Variants in PRKCA observed in about 807,000 individuals in gnomAD.
The protein encoded by PRKCA is protein kinase C alpha type.
Under a neutral mutation model 87.0 loss-of-function variants are expected in PRKCA, and 27 were observed. The ratio of observed to expected loss-of-function variants is 0.31; its 90% CI spans 0.23 to 0.43. The LOEUF is 0.43. PRKCA is among the 20% of genes least tolerant of loss of function. The pLI, the probability that PRKCA is intolerant of heterozygous loss-of-function variation, is 1.00. For synonymous variants in PRKCA, 329 were observed against 311.1 expected (o/e 1.06, Z -0.61); for missense variants, 518 against 852.3 (o/e 0.61, Z 4.88).
At chr17:66,388,790 G>T (rs1024006079) in intron 2 of PRKCA, among the ~76,000 whole-genome samples, 1 of 152,196 alleles carries the variant, frequency 6.6e-6, no homozygotes, top group Admixed American at 6.5e-5. Context: ...ACCCAGGGTC[G>T]TGGAGAGACG....
chr17:66,463,709 G>GT (rs370623331), intron 2 of PRKCA, among the ~76,000 whole-genome samples: 19 of 152,098 alleles, frequency 1.2e-4, no homozygotes, highest in African/African-American at 3.9e-4. Context: ...TGTTTGTTTT[G>GT]TTTTTTTAAT....
intron 3 of PRKCA, among the ~76,000 whole-genome samples, chr17:66,584,252 C>T (rs189886098): frequency 1.4e-5 from 2 of 145,918 alleles, no homozygotes; most frequent in East Asian, 1.9e-4. Flanking sequence ...GATGGAATCT[C>T]GCTCTGTCGC....
rs1467724474 is a variant in PRKCA at position 66,803,550 on chromosome 17, T to TCC, written c.1855-322_1855-321dup. ...GACTGACGGCCCTGCGTGCGTGGCT[T>TCC]CCGTGCTCTCAGCTCCGCTTGCTCG... On this transcript the variant is annotated intron_variant, in intron 16 of 16. Coordinates refer to ENST00000413366, the MANE Select transcript of PRKCA (RefSeq NM_002737.3). The surrounding 1 kb of genome is among the most constrained non-coding windows in gnomAD (Gnocchi z 4.4). Among the ~76,000 whole-genome samples the TCC allele has an allele frequency of 2.0e-5, 3 of 152,198 alleles. No individual in the cohort carries two copies. The highest frequency in any genetic ancestry group is 7.2e-5 in the African/African-American group (3 of 41,454).
intron 2 of PRKCA, among the ~76,000 whole-genome samples, chr17:66,412,276 C>T (rs535283260): frequency 9.3e-4 from 142 of 152,200 alleles, no homozygotes; most frequent in Non-Finnish European, 1.7e-3. Context: ...AGGCTGGTTT[C>T]GAACTCCTGA....
intron 16 of PRKCA, among the ~76,000 whole-genome samples, chr17:66,799,598 ATGGTGG>A (rs1261737865): frequency 2.3e-4 from 1 of 4,278 alleles, no homozygotes; most frequent in African/African-American, 1.5e-3. Context: ...GGTGGTGGTG[ATGGTGG>A]TGGTGGTGGT....
chr17:66,737,719 G>A (rs1032841902), intron 10 of PRKCA, among the ~76,000 whole-genome samples: 3 of 152,192 alleles, frequency 2.0e-5, no homozygotes, highest in Non-Finnish European at 4.4e-5. Context: ...GCTCCCAGCC[G>A]TTCCCACTGA....
At chr17:66,648,961 G>T (rs538746244) in intron 5 of PRKCA, among the ~76,000 whole-genome samples, 205 of 152,112 alleles carry the variant, frequency 1.3e-3, no homozygotes, top group Non-Finnish European at 2.5e-3. Flanking sequence ...AAGTATGGTG[G>T]CATGCGCATG....
chr17:66,440,807 C>T (rs1226267300), intron 2 of PRKCA, among the ~76,000 whole-genome samples: 1 of 152,078 alleles, frequency 6.6e-6, no homozygotes, highest in Admixed American at 6.6e-5. Flanking sequence ...GGGAGGATTG[C>T]TTGAGCCCAG....
chr17:66,314,443 A>G (rs1428697360), intron 2 of PRKCA, among the ~76,000 whole-genome samples: 1 of 152,212 alleles, frequency 6.6e-6, no homozygotes, highest in African/African-American at 2.4e-5. Context: ...CTGGAAATAG[A>G]TTTCTATCAA....
intron 2 of PRKCA, among the ~76,000 whole-genome samples, chr17:66,463,040 A>G (rs1368519730): frequency 1.3e-5 from 2 of 152,024 alleles, no homozygotes; most frequent in East Asian, 3.9e-4. Context: ...GACTCCAGAG[A>G]GGTTGGCTTA....
rs183894929 is a variant in PRKCA at position 66,698,366 on chromosome 17, A to G, written c.918+9319A>G. ...AAGAGGATACAGACAACAAAATCAG[A>G]AAAACAAGAGCTCAATAAAAAGATT... On this transcript the variant is annotated intron_variant, in intron 8 of 16. Coordinates refer to ENST00000413366, the MANE Select transcript of PRKCA (RefSeq NM_002737.3). Among the ~76,000 whole-genome samples the G allele has an allele frequency of 3.9e-3, 592 of 152,316 alleles. 3 individuals are homozygous for G. Among genetic ancestry groups the G allele is most frequent in the South Asian group, 0.026 (126 of 4,828 alleles).
At chr17:66,731,409 G>A (rs1036753305) in intron 8 of PRKCA, among the ~76,000 whole-genome samples, 1 of 151,768 alleles carries the variant, frequency 6.6e-6, no homozygotes, top group Non-Finnish European at 1.5e-5. Flanking sequence ...CTAGGGCTCA[G>A]GGATGTGGCT....
chr17:66,748,370 T>C (rs1009402657), intron 13 of PRKCA, among the ~76,000 whole-genome samples: 1 of 152,222 alleles, frequency 6.6e-6, no homozygotes, highest in Non-Finnish European at 1.5e-5. Context: ...ATTCAGCCAA[T>C]GGGCTATCAC....
Position 66,594,787 on chromosome 17 carries a change from C to G in PRKCA, c.289-46568C>G, listed in dbSNP as rs537214571. Among the ~76,000 whole-genome samples, 16 of 152,298 alleles carry G rather than the reference C, an allele frequency of 1.1e-4. 2 individuals are homozygous for G. The highest frequency in any genetic ancestry group is 1.0e-3 in the Admixed American group (16 of 15,288). ...TTCTCTGCTGCAAAACTGCATAGAT[C>G]AGGTTGGCCACAGAACTGCAGGTGC... On this transcript the variant is annotated intron_variant, in intron 3 of 16. Transcript: ENST00000413366.
At position 66,406,585 on chromosome 17, in the gene PRKCA, G is replaced by GTTTTTTTTTTTTTTTTTTTTTTTTTT. The variant is rs71160568; in HGVS notation, c.206-89592_206-89591insTTTTTTTTTTTTTTTTTTTTTTTTTT. Among the ~76,000 whole-genome samples, 69 of 70,176 alleles carry GTTTTTTTTTTTTTTTTTTTTTTTTTT rather than the reference G, an allele frequency of 9.8e-4. 15 individuals are homozygous for GTTTTTTTTTTTTTTTTTTTTTTTTTT. The highest frequency in any genetic ancestry group is 1.3e-3 in the Non-Finnish European group (49 of 36,592). The allele number at this position is 70,176 out of a possible 152,430, so 46.0% of individuals were successfully genotyped here. ...TCATGTAGCATTGTAGCTTTTCCAGGTTTTTTTTTTTTTTTTTTTTTTTTA... is the reference window on the plus strand; with the variant it reads ...TCATGTAGCATTGTAGCTTTTCCAGGTTTTTTTTTTTTTTTTTTTTTTTTTTTTTTTTTTTTTTTTTTTTTTTTTTA... On this transcript the variant is annotated intron_variant, in intron 2 of 16. Coordinates refer to ENST00000413366, the MANE Select transcript of PRKCA (RefSeq NM_002737.3).
At chr17:66,731,369 AAG>A (rs1291786243) in intron 8 of PRKCA, among the ~76,000 whole-genome samples, 4 of 151,518 alleles carry the variant, frequency 2.6e-5, no homozygotes, top group African/African-American at 9.7e-5. Flanking sequence ...AAAAAAAAAA[AAG>A]AATGTATCCA....
intron 13 of PRKCA, among the ~76,000 whole-genome samples, chr17:66,759,836 G>T (rs149977212): frequency 1.3e-5 from 2 of 152,302 alleles, no homozygotes; most frequent in East Asian, 3.9e-4. Flanking sequence ...ATCATGGAAG[G>T]GCATTACATA....
At chr17:66,608,593 C>T (rs1386113609) in intron 3 of PRKCA, among the ~76,000 whole-genome samples, 2 of 152,172 alleles carry the variant, frequency 1.3e-5, no homozygotes, top group Admixed American at 1.3e-4. Context: ...ATTCAGGGGT[C>T]CTCCAGATCA....
chr17:66,576,789 G>A (rs1969248837), intron 3 of PRKCA, among the ~76,000 whole-genome samples: 4 of 152,124 alleles, frequency 2.6e-5, no homozygotes, highest in Admixed American at 2.6e-4. Flanking sequence ...TTCACTTAGA[G>A]AGGGCTTAGG....
Sources: gnomAD v4.1 joint callset for allele counts (sites outside exome capture counted in the v4.1 genomes callset) on GRCh38, gnomAD v4.1.1 for gene constraint, Gnocchi (gnomAD v3.1) non-coding constraint, MANE v1.5 for transcripts, NCBI Gene and HGNC (gene_info 2026-07-23, HGNC 2026-07-21) for gene names.